PDE4D: variants seen among roughly 807,000 people sequenced by gnomAD.
PDE4D encodes the protein 3',5'-cyclic-AMP phosphodiesterase 4D.
PDE4D carries 24 observed loss-of-function variants against 87.4 expected under a neutral mutation model. The observed-to-expected ratio is 0.27, with a 90% CI of 0.20 to 0.39. PDE4D has a LOEUF of 0.39. Ranked by LOEUF, PDE4D falls within the 10% of genes least tolerant of loss-of-function variation. The pLI is 1.00. For missense variants in PDE4D, 714 were observed against 1,041.0 expected (o/e 0.69, Z 4.32); for synonymous variants, 384 against 383.2 (o/e 1.00, Z -0.02).
rs543745517 is a variant in PDE4D, at chr5:60,375,591, C to G, written c.-90+112351G>C. On this transcript the variant is annotated intron_variant, in intron 1 of 16. Coordinates refer to the PDE4D transcript ENST00000502484. Reference sequence around the variant, plus strand: ...CTATGTGTAAATTTGAAAAAGATGCCCCTTTTACATGGATAAATTACAAAA... The same window carrying G: ...CTATGTGTAAATTTGAAAAAGATGCGCCTTTTACATGGATAAATTACAAAA... Among the ~76,000 whole-genome samples, 56 of 152,188 alleles carry G rather than the reference C, an allele frequency of 3.7e-4. 1 individual carries two copies. The highest frequency in any genetic ancestry group is 1.3e-3 in the African/African-American group (55 of 41,528).
chr5:60,263,000 A>G (rs2149707327), intron 1 of PDE4D, among the ~76,000 whole-genome samples: 1 of 152,338 alleles, frequency 6.6e-6, no homozygotes, highest in South Asian at 2.1e-4. Context: ...ATCACTACAT[A>G]TTATAAACAA....
chr5:59,220,420 G>GT (rs1339363883), intron 1 of PDE4D, among the ~76,000 whole-genome samples: 1 of 126,504 alleles, frequency 7.9e-6, no homozygotes, highest in South Asian at 2.9e-4. Flanking sequence ...AAAAAACAGA[G>GT]TTAAAAAAAA....
intron 1 of PDE4D, among the ~76,000 whole-genome samples, chr5:60,214,485 C>T (rs1743621726): frequency 6.6e-6 from 1 of 152,036 alleles, no homozygotes; most frequent in Non-Finnish European, 1.5e-5. Flanking sequence ...TGAACACAGG[C>T]ACTGTTAATG....
At chr5:59,657,044 A>G (rs1580205135) in intron 1 of PDE4D, among the ~76,000 whole-genome samples, 2 of 152,320 alleles carry the variant, frequency 1.3e-5, no homozygotes, top group African/African-American at 4.8e-5. Context: ...CGTGGCAAGA[A>G]TTCAATAAAT....
chr5:59,914,457 C>T (rs1287465017), intron 3 of PDE4D, among the ~76,000 whole-genome samples: 2 of 151,682 alleles, frequency 1.3e-5, no homozygotes, highest in African/African-American at 4.8e-5. Context: ...GTCTGTGGGG[C>T]AGGGCAAGAC....
At chr5:59,361,821 A>T (rs1234272728) in intron 1 of PDE4D, among the ~76,000 whole-genome samples, 1 of 152,244 alleles carries the variant, frequency 6.6e-6, no homozygotes, top group Non-Finnish European at 1.5e-5. Flanking sequence ...TTTTCAGGGC[A>T]TCTTAAAAAT....
intron 1 of PDE4D, chr5:59,586,502 T>TA: frequency 9.5e-7 from 1 of 1,056,084 alleles, no homozygotes; most frequent in South Asian, 4.1e-5. Context: ...AAGTATTGAA[T>TA]CCCAAAAAAA....
At chr5:60,284,055 A>G (rs1752191979) in intron 1 of PDE4D, among the ~76,000 whole-genome samples, 1 of 152,156 alleles carries the variant, frequency 6.6e-6, no homozygotes, top group Admixed American at 6.5e-5. Flanking sequence ...AGATCCAACT[A>G]ATTGATATGG....
chr5:60,220,052 AGC>A (rs1240001450), intron 1 of PDE4D, among the ~76,000 whole-genome samples: 1 of 152,174 alleles, frequency 6.6e-6, no homozygotes, highest in African/African-American at 2.4e-5. Context: ...GGAAAGAGGA[AGC>A]TGGATTACTT....
At chr5:60,103,541 C>T (rs1020897941) in intron 2 of PDE4D, among the ~76,000 whole-genome samples, 1 of 152,130 alleles carries the variant, frequency 6.6e-6, no homozygotes, top group Non-Finnish European at 1.5e-5. Flanking sequence ...AAACTGTTAC[C>T]ATTGCTAGAA....
At chr5:59,452,627 A>G (rs796845501) in intron 1 of PDE4D, among the ~76,000 whole-genome samples, 2 of 152,246 alleles carry the variant, frequency 1.3e-5, no homozygotes, top group African/African-American at 4.8e-5. Flanking sequence ...CCTCTCCCCA[A>G]ATGTCCACCA....
At chr5:59,013,575 C>A (rs1040493834) in intron 6 of PDE4D, among the ~76,000 whole-genome samples, 1 of 152,128 alleles carries the variant, frequency 6.6e-6, no homozygotes, top group Middle Eastern at 3.2e-3. Flanking sequence ...GACACATGCA[C>A]CCTCCCAAGA....
At chr5:59,915,955 T>C (rs1187641548) in intron 3 of PDE4D, among the ~76,000 whole-genome samples, 1 of 152,204 alleles carries the variant, frequency 6.6e-6, no homozygotes, top group African/African-American at 2.4e-5. Flanking sequence ...CTCTTGAATA[T>C]TTCTACAAAA....
chr5:60,466,106 C>A (rs1583853875), intron 1 of PDE4D, among the ~76,000 whole-genome samples: 2 of 152,290 alleles, frequency 1.3e-5, no homozygotes, highest in East Asian at 3.9e-4. Flanking sequence ...TATATCATTT[C>A]TTTTGCTATT....
At position 60,137,626 on chromosome 5, in the gene PDE4D, T is replaced by C. The variant is rs542029490; in HGVS notation, c.42+47931A>G. Among the ~76,000 whole-genome samples the C allele has an allele frequency of 2.2e-4, 33 of 152,276 alleles. No individual in the cohort carries two copies. The South Asian group carries it at 6.0e-3, about 28-fold the overall frequency. ...GTCTGTTCATGTATTTTGCCCACTT[T>C]TTAATGGGGTTGTATTTTTCTTGTA... On this transcript the variant is annotated intron_variant, in intron 2 of 16. Coordinates refer to the PDE4D transcript ENST00000502484.
At chr5:59,384,303 G>A (rs1332726954) in intron 1 of PDE4D, among the ~76,000 whole-genome samples, 3 of 152,174 alleles carry the variant, frequency 2.0e-5, no homozygotes, top group African/African-American at 7.2e-5. Flanking sequence ...CAGGACACAT[G>A]TAGATGCACT....
chr5:59,782,319 C>T (rs1764716962), intron 1 of PDE4D, among the ~76,000 whole-genome samples: 1 of 152,150 alleles, frequency 6.6e-6, no homozygotes, highest in South Asian at 2.1e-4. Flanking sequence ...ACAAGTATTG[C>T]TAATATCTTA....
chr5:60,377,428 C>T (rs1461814629), intron 1 of PDE4D, among the ~76,000 whole-genome samples: 4 of 152,170 alleles, frequency 2.6e-5, no homozygotes, highest in African/African-American at 9.7e-5. Context: ...CTACTTTAAC[C>T]ACTTTAAAGG....
At chr5:59,411,135 C>T (rs1005370317) in intron 1 of PDE4D, among the ~76,000 whole-genome samples, 2 of 152,138 alleles carry the variant, frequency 1.3e-5, no homozygotes, top group Non-Finnish European at 2.9e-5. Context: ...ATCCACCTTC[C>T]CCCCTTTTTA....
Sources: allele counts gnomAD v4.1 joint callset (sites outside exome capture counted in the v4.1 genomes callset), GRCh38; gene constraint gnomAD v4.1.1; transcripts MANE v1.5; gene names NCBI Gene and HGNC (gene_info 2026-07-23, HGNC 2026-07-21).